Variants in KANK1 observed in about 807,000 individuals in gnomAD.
KANK1 encodes the protein KN motif and ankyrin repeat domain-containing protein 1.
KANK1 carries 109 observed loss-of-function variants against 106.2 expected under a neutral mutation model. The observed-to-expected ratio is 1.03, with a 90% CI of 0.88 to 1.20. The LOEUF is 1.20. Among genes scored for constraint, KANK1 ranks in the 50% most tolerant of loss-of-function variants. The pLI, the probability that KANK1 is intolerant of heterozygous loss-of-function variation, is 0.00. For missense variants in KANK1, 2,399 were observed against 1,710.7 expected, an observed-to-expected ratio of 1.40 and a Z score of -7.10; for synonymous variants, 873 against 652.2, an observed-to-expected ratio of 1.34 and a Z score of -5.16.
intron 2 of KANK1, among the ~76,000 whole-genome samples, chr9:472,177 C>G (rs1040247901): frequency 1.3e-4 from 20 of 152,300 alleles, no homozygotes; most frequent in African/African-American, 4.8e-4. Flanking sequence ...GCTGGCCTGC[C>G]CACAGTCTCT....
chr9:670,517 G>A (rs960625765), intron 1 of KANK1, among the ~76,000 whole-genome samples: 3 of 152,176 alleles, frequency 2.0e-5, no homozygotes, highest in Admixed American at 1.3e-4. Flanking sequence ...CTGGAATGGG[G>A]GAGGTTGCAA....
At chr9:479,198 C>T (rs2058160352) in intron 3 of KANK1, among the ~76,000 whole-genome samples, 1 of 152,230 alleles carries the variant, frequency 6.6e-6, no homozygotes, top group Non-Finnish European at 1.5e-5. Flanking sequence ...TTCCATGCTG[C>T]TGTGTGTTCT....
chr9:705,949 C>T (rs569302115), intron 2 of KANK1, among the ~76,000 whole-genome samples: 51 of 151,904 alleles, frequency 3.4e-4, no homozygotes, highest in Non-Finnish European at 6.6e-4. Flanking sequence ...TGCTTATAGT[C>T]TGGTACAAAA....
rs747835295 is a variant in KANK1 at position 742,363 on chromosome 9, G to C, written c.3855G>C (p.Leu1285=). The C allele has an allele frequency of 1.2e-6, 2 of 1,614,104 alleles. No homozygotes were observed. The highest frequency in any genetic ancestry group is 2.2e-5 in the South Asian group (2 of 91,076). ...ACGGACACGTGGAGATTGTCAAGCT[G>C]CTGCTGGCCCAGCCCGGCTGCAACG... The part of the protein sequence containing the change: ...SEHGHVEIVK[L]LLAQPGCNGH... Residue 1285 remains leucine, a synonymous_variant, in exon 10 of 12, where the codon CTG becomes CTC. Coordinates refer to ENST00000382297, the MANE Select transcript of KANK1 (RefSeq NM_015158.5).
At chr9:475,737 C>G (rs1179548670) in intron 3 of KANK1, among the ~76,000 whole-genome samples, 1 of 152,186 alleles carries the variant, frequency 6.6e-6, no homozygotes, top group Non-Finnish European at 1.5e-5. Context: ...CAAAGCCATC[C>G]TTTGTAGGGG....
intron 1 of KANK1, among the ~76,000 whole-genome samples, chr9:611,583 G>C (rs1003463456): frequency 6.6e-6 from 1 of 152,196 alleles, no homozygotes; most frequent in African/African-American, 2.4e-5. Context: ...GATCCCATTA[G>C]ATAGGAGTGT....
At chr9:642,288 C>T (rs577390653) in intron 1 of KANK1, among the ~76,000 whole-genome samples, 1 of 150,806 alleles carries the variant, frequency 6.6e-6, no homozygotes, top group Non-Finnish European at 1.5e-5. Flanking sequence ...TTAAGTTACC[C>T]CATTTGTGTT....
intron 2 of KANK1, among the ~76,000 whole-genome samples, chr9:687,699 T>C (rs1406928904): frequency 2.0e-5 from 3 of 152,208 alleles, no homozygotes; most frequent in African/African-American, 7.2e-5. Flanking sequence ...CAAGTCTTGC[T>C]GCCTCTCTTA....
intron 1 of KANK1, among the ~76,000 whole-genome samples, chr9:658,484 T>A (rs1365879148): frequency 6.6e-6 from 1 of 152,122 alleles, no homozygotes; most frequent in Non-Finnish European, 1.5e-5. Flanking sequence ...AAAAAAAGAT[T>A]GTAATTTTGA....
intron 2 of KANK1, among the ~76,000 whole-genome samples, chr9:690,842 G>C (rs552439828): frequency 6.6e-6 from 1 of 152,154 alleles, no homozygotes; most frequent in Non-Finnish European, 1.5e-5. Flanking sequence ...TATACGCTCA[G>C]CCAGCCTGGT....
intron 7 of KANK1, among the ~76,000 whole-genome samples, chr9:736,249 G>A (rs943711777): frequency 6.6e-6 from 1 of 152,064 alleles, no homozygotes; most frequent in African/African-American, 2.4e-5. Context: ...ATGACCCACC[G>A]CGCCTGGCCT....
At chr9:478,087 T>C in intron 3 of KANK1, 1 of 216,096 alleles carries the variant, frequency 4.6e-6, no homozygotes. Context: ...ACTTTCTGCC[T>C]CTGCCGTGAG....
chr9:628,361 T>A (rs1331603533), intron 1 of KANK1, among the ~76,000 whole-genome samples: 1 of 152,216 alleles, frequency 6.6e-6, no homozygotes, highest in African/African-American at 2.4e-5. Flanking sequence ...AACTTTGGTA[T>A]TCTTAGTTCC....
intron 1 of KANK1, among the ~76,000 whole-genome samples, chr9:631,662 CCTG>C (rs1835775874): frequency 6.6e-6 from 1 of 152,188 alleles, no homozygotes; most frequent in Non-Finnish European, 1.5e-5. Flanking sequence ...TTCAGTGACT[CCTG>C]CTGCTTCCAA....
chr9:529,516 A>AG (rs34570100), intron 1 of KANK1, among the ~76,000 whole-genome samples: 151,323 of 152,272 alleles, frequency 0.99, 75,194 homozygotes, highest in East Asian at 1. Flanking sequence ...TATTTTTAAA[A>AG]TGTGTGTATA....
chr9:686,547 C>G (rs1818618901), intron 2 of KANK1, among the ~76,000 whole-genome samples: 1 of 152,078 alleles, frequency 6.6e-6, no homozygotes, highest in Non-Finnish European at 1.5e-5. Flanking sequence ...GGATGGTTTG[C>G]ATGTCAAACC....
chr9:652,415 C>G (rs1192306775), intron 1 of KANK1, among the ~76,000 whole-genome samples: 3 of 152,130 alleles, frequency 2.0e-5, no homozygotes, highest in Non-Finnish European at 4.4e-5. Flanking sequence ...CCCAGCTACT[C>G]AGGAGGCTGA....
intron 1 of KANK1, among the ~76,000 whole-genome samples, chr9:560,201 T>G (rs1259256139): frequency 6.6e-6 from 1 of 152,202 alleles, no homozygotes; most frequent in Non-Finnish European, 1.5e-5. Context: ...AATCAGATAC[T>G]TATTGGAGAG....
At chr9:504,343 G>A (rs2058628560), upstream of KANK1, among the ~76,000 whole-genome samples, 2 of 151,532 alleles carry the variant, frequency 1.3e-5, no homozygotes, top group African/African-American at 4.9e-5. Context: ...GGCGAGGCCC[G>A]CGGGCCAGGC....
Sources: gnomAD v4.1 joint callset for allele counts (sites outside exome capture counted in the v4.1 genomes callset) on GRCh38, gnomAD v4.1.1 for gene constraint, MANE v1.5 for transcripts, NCBI Gene and HGNC (gene_info 2026-07-23, HGNC 2026-07-21) for gene names.